Variants in ATOSA observed in about 807,000 individuals in gnomAD.
The protein encoded by ATOSA is atos homolog A.
chr15:52,586,453 A>T, the ATOSA span: 5 of 152,254 alleles, frequency 3.3e-5, no homozygotes, highest in Non-Finnish European at 5.9e-5. Flanking sequence ...GGGTATGAGG[A>T]GCAAGCCTTA....
At chr15:52,614,569 C>T in the ATOSA span, among the ~76,000 whole-genome samples, 2 of 151,538 alleles carry the variant, frequency 1.3e-5, no homozygotes, top group Non-Finnish European at 2.9e-5. Flanking sequence ...ATTTTCGGGC[C>T]GGGCGTGGTG....
chr15:52,705,185 T>C, the ATOSA span, among the ~76,000 whole-genome samples: 1 of 152,136 alleles, frequency 6.6e-6, no homozygotes, highest in Middle Eastern at 3.4e-3. Flanking sequence ...TAAAAAAGGA[T>C]GAGTTCATGT....
At chr15:52,634,727 G>C in the ATOSA span, among the ~76,000 whole-genome samples, 1 of 151,300 alleles carries the variant, frequency 6.6e-6, no homozygotes, top group Admixed American at 6.6e-5. Context: ...TCAGCCTCCC[G>C]AGCACCTGGG....
chr15:52,611,153 A>C, the ATOSA span: 1 of 1,613,924 alleles, frequency 6.2e-7, no homozygotes, highest in Non-Finnish European at 8.5e-7. Context: ...TTCGTGGAAT[A>C]GCACCATGAG....
chr15:52,655,133 T>A, the ATOSA span, among the ~76,000 whole-genome samples: 1 of 152,122 alleles, frequency 6.6e-6, no homozygotes, highest in Non-Finnish European at 1.5e-5. Flanking sequence ...TTCCTAAATC[T>A]AATATATGTG....
the ATOSA span, among the ~76,000 whole-genome samples, chr15:52,653,118 G>A: frequency 3.9e-5 from 6 of 152,148 alleles, no homozygotes; most frequent in African/African-American, 1.4e-4. Flanking sequence ...TTCCATACAG[G>A]AAAGGTTTGT....
At chr15:52,603,264 A>G in the ATOSA span, among the ~76,000 whole-genome samples, 1 of 152,216 alleles carries the variant, frequency 6.6e-6, no homozygotes, top group East Asian at 1.9e-4. Flanking sequence ...ATGCAAATTA[A>G]AACCATAATG....
the ATOSA span, among the ~76,000 whole-genome samples, chr15:52,673,112 G>A: frequency 3.9e-5 from 6 of 152,154 alleles, no homozygotes; most frequent in African/African-American, 1.4e-4. Context: ...AATAATAGCA[G>A]TTTACATTTG....
At chr15:52,595,671 G>A in the ATOSA span, among the ~76,000 whole-genome samples, 1 of 152,228 alleles carries the variant, frequency 6.6e-6, no homozygotes, top group South Asian at 2.1e-4. Flanking sequence ...AGTGAGTTGA[G>A]CAAGATCACT....
At chr15:52,608,747 T>C in the ATOSA span, 1 of 1,609,664 alleles carries the variant, frequency 6.2e-7, no homozygotes, top group Non-Finnish European at 8.5e-7. Context: ...TAATTCTCTA[T>C]GCTATTAAGT....
At chr15:52,588,361 A>G in the ATOSA span, among the ~76,000 whole-genome samples, 2 of 152,172 alleles carry the variant, frequency 1.3e-5, no homozygotes, top group African/African-American at 4.8e-5. Context: ...TGAATGTGTA[A>G]AAGTTTCTCA....
chr15:52,581,415 C>T, the ATOSA span: 3 of 151,986 alleles, frequency 2.0e-5, no homozygotes, highest in East Asian at 5.8e-4. Flanking sequence ...TAGCATACGA[C>T]AGTAATTTAA....
the ATOSA span, among the ~76,000 whole-genome samples, chr15:52,650,942 G>A: frequency 6.6e-6 from 1 of 152,092 alleles, no homozygotes; most frequent in East Asian, 1.9e-4. Flanking sequence ...ATTTGAGAAA[G>A]ATACAAAAAG....
At chr15:52,584,605 C>T in the ATOSA span, 2 of 686,136 alleles carry the variant, frequency 2.9e-6, no homozygotes, top group Non-Finnish European at 4.8e-6. Flanking sequence ...CTTTCGGCAT[C>T]TTGGCACATC....
chr15:52,613,676 G>C, the ATOSA span: 2 of 1,613,350 alleles, frequency 1.2e-6, no homozygotes, highest in East Asian at 2.2e-5. Flanking sequence ...TTCTCACCTG[G>C]GCCAGCTTGT....
At chr15:52,675,631 G>A in the ATOSA span, among the ~76,000 whole-genome samples, 1 of 152,192 alleles carries the variant, frequency 6.6e-6, no homozygotes, top group Non-Finnish European at 1.5e-5. Context: ...GTGTTAGGCC[G>A]GGCGCGGTGG....
the ATOSA span, among the ~76,000 whole-genome samples, chr15:52,675,822 C>T: frequency 3.3e-5 from 5 of 151,656 alleles, no homozygotes; most frequent in South Asian, 2.1e-4. Flanking sequence ...AGGAGAATGG[C>T]GTGAACCCGG....
the ATOSA span, among the ~76,000 whole-genome samples, chr15:52,644,747 TTAAAATGATTAGGCAATCAC>T: frequency 6.6e-6 from 1 of 152,202 alleles, no homozygotes; most frequent in East Asian, 1.9e-4. Context: ...AAACATTTGT[TTAAAATGATTAGGCAATCAC>T]TAAATCTCTA....
the ATOSA span, among the ~76,000 whole-genome samples, chr15:52,667,420 A>G: frequency 6.6e-6 from 1 of 152,266 alleles, no homozygotes; most frequent in Admixed American, 6.5e-5. Context: ...TGGAACAACT[A>G]GGAAAATATG....
Sources: allele counts gnomAD v4.1 joint callset (sites outside exome capture counted in the v4.1 genomes callset), GRCh38; gene constraint gnomAD v4.1.1; transcripts MANE v1.5; gene names NCBI Gene and HGNC (gene_info 2026-07-23, HGNC 2026-07-21).